Variants in TRPC6 observed in about 807,000 individuals in gnomAD.
TRPC6 encodes transient receptor potential cation channel subfamily C member 6.
TRPC6 carries 55 observed loss-of-function variants against 90.7 expected under a neutral mutation model. That is an observed-to-expected ratio of 0.61 (90% CI 0.49 to 0.76). TRPC6 has a LOEUF of 0.76. Ranked by LOEUF, TRPC6 falls within the 30% of genes least tolerant of loss-of-function variation. The pLI is 0.00. For synonymous variants in TRPC6, 393 were observed against 393.0 expected (o/e 1.00, Z 0.00); for missense variants, 989 against 1,122.7 (o/e 0.88, Z 1.70).
At position 101,504,020 on chromosome 11, in the gene TRPC6, C is replaced by A. The variant is rs1438558724; in HGVS notation, c.945+4G>T. The A allele has an allele frequency of 6.2e-7, 1 of 1,613,870 alleles. No individual in the cohort carries two copies. The highest frequency in any genetic ancestry group is 1.7e-5 in the Admixed American group (1 of 59,978). On this transcript the variant is annotated splice_donor_region_variant and intron_variant, in intron 2 of 12. Transcript: ENST00000344327. ...GGGTGAAGTCTCTATTGTTAGTGAC[C>A]TACCTTGAACTCTTTCTCAATATTG...
chr11:101,480,116 T>C (rs1459066580), intron 5 of TRPC6, among the ~76,000 whole-genome samples: 1 of 152,088 alleles, frequency 6.6e-6, no homozygotes, highest in Non-Finnish European at 1.5e-5. Flanking sequence ...AGGTGGAGGT[T>C]GCGGTGAGCT....
intron 10 of TRPC6, 78 bp from the exon 11 acceptor site, chr11:101,455,179 T>C (rs1186463645): frequency 3.5e-6 from 4 of 1,138,652 alleles, no homozygotes; most frequent in East Asian, 4.9e-5. Context: ...AGTTATCTAA[T>C]GAACTAATAG....
chr11:101,557,034 G>A (rs114073863), intron 1 of TRPC6, among the ~76,000 whole-genome samples: 1 of 152,082 alleles, frequency 6.6e-6, no homozygotes, highest in Admixed American at 6.6e-5. Context: ...ACTCTTACCA[G>A]ATTACGTATA....
At chr11:101,470,981 C>T (rs1859280029) in intron 9 of TRPC6, among the ~76,000 whole-genome samples, 2 of 152,030 alleles carry the variant, frequency 1.3e-5, no homozygotes, top group African/African-American at 2.4e-5. Flanking sequence ...ATGAATTTTT[C>T]TTACATTCTT....
At chr11:101,465,106 A>C (rs1415202070) in intron 10 of TRPC6, among the ~76,000 whole-genome samples, 3 of 152,136 alleles carry the variant, frequency 2.0e-5, no homozygotes, top group Non-Finnish European at 1.5e-5. Context: ...AAGGATGTTG[A>C]ATATTGGTCC....
chr11:101,452,803 T>C lies in TRPC6; in HGVS notation c.*152A>G. ...AATGGAGTTTAATCACCAAAAAAATTAGATACTAGGGCTCCAGATGATAGG... is the reference window on the plus strand; with the variant it reads ...AATGGAGTTTAATCACCAAAAAAATCAGATACTAGGGCTCCAGATGATAGG... On this transcript the variant is annotated 3_prime_UTR_variant, in exon 13 of 13. Coordinates refer to ENST00000344327, the MANE Select transcript of TRPC6 (RefSeq NM_004621.6). The C allele has an allele frequency of 1.2e-6, 1 of 825,762 alleles. No individual in the cohort carries two copies. The highest frequency in any genetic ancestry group is 1.9e-6 in the Non-Finnish European group (1 of 525,556). The allele number at this position is 825,762 out of a possible 1,614,324, so 51.2% of individuals were successfully genotyped here. A position where few individuals can be genotyped will look rare whatever the true frequency, so the allele number is the denominator to read the frequency against.
chr11:101,549,665 A>T (rs1274064582), intron 1 of TRPC6, among the ~76,000 whole-genome samples: 1 of 151,320 alleles, frequency 6.6e-6, no homozygotes, highest in Non-Finnish European at 1.5e-5. Context: ...GGGATAAAAA[A>T]GAAAACTTGT....
Position 101,473,555 on chromosome 11 carries a change from G to A in TRPC6, c.1963C>T (p.Leu655Phe). The change falls in exon 7 of 13, where the codon CTC (leucine) becomes TTC (phenylalanine). Residue 655 changes from leucine (L) to phenylalanine (F), a missense_variant. Leu to Phe is a conservative substitution (Grantham distance 22). This residue lies in a region of TRPC6 where 118 missense variants were observed against 197.6 expected (regional missense o/e 0.60). Transcript: ENST00000344327. ...FVAFMIGMFN[L>F]YSYYIGAKQN... ...TTTGCACCAATGTAGTAGGAGTAGA[G>A]ATTGAACATTCCAATCATAAAGGCC... 6.2e-7 allele frequency: 1 copy of A among 1,613,606 alleles called. No individual in the cohort carries two copies. Among genetic ancestry groups the A allele is most frequent in the Non-Finnish European group, 8.5e-7 (1 of 1,179,748 alleles).
intron 6 of TRPC6, among the ~76,000 whole-genome samples, chr11:101,475,975 G>A (rs1203751920): frequency 3.3e-5 from 5 of 151,180 alleles, no homozygotes; most frequent in East Asian, 1.9e-4. Context: ...TAGATCAAAC[G>A]TGAACTATTT....
At chr11:101,570,181 T>TA (rs1302499027) in intron 1 of TRPC6, among the ~76,000 whole-genome samples, 4 of 151,672 alleles carry the variant, frequency 2.6e-5, no homozygotes, top group Admixed American at 1.3e-4. Flanking sequence ...TAAAAAATGA[T>TA]AAAGGGGATA....
chr11:101,469,488 T>C lies in TRPC6; in HGVS notation c.2423A>G (p.Lys808Arg). 1.3e-6 allele frequency: 1 copy of C among 765,488 alleles called. No individual in the cohort carries two copies. Among genetic ancestry groups the C allele is most frequent in the Non-Finnish European group, 2.4e-6 (1 of 409,606 alleles). The allele number at this position is 765,488 out of a possible 1,614,324, so 47.4% of individuals were successfully genotyped here. Reference sequence around the variant, plus strand: ...ATGACTTCCTAAAATTCCAAGTTTCTTTTCTTCATTTATCTTTTAAAGATA... The same window carrying C: ...ATGACTTCCTAAAATTCCAAGTTTCCTTTCTTCATTTATCTTTTAAAGATA... Reference protein sequence around the residue: ...DAEMNKINEEKKLGILGSHED... With the variant: ...DAEMNKINEERKLGILGSHED... Residue 808 changes from lysine to arginine, a missense_variant, in exon 10 of 13, where the codon AAG (lysine) becomes AGG (arginine). Physicochemically the swap from Lys to Arg is conservative, Grantham distance 26. This residue lies in a region of TRPC6 where 191 missense variants were observed against 196.7 expected (regional missense o/e 0.97). Coordinates refer to ENST00000344327, the MANE Select transcript of TRPC6 (RefSeq NM_004621.6).
intron 1 of TRPC6, among the ~76,000 whole-genome samples, chr11:101,582,730 TC>T (rs1200538419): frequency 3.3e-5 from 5 of 151,242 alleles, no homozygotes; most frequent in African/African-American, 1.2e-4. Flanking sequence ...CGGTGGAGAG[TC>T]CTATTGGTTC....
intron 2 of TRPC6, 103 bp from the exon 3 acceptor site, chr11:101,491,841 T>G: frequency 9.1e-6 from 9 of 985,968 alleles, no homozygotes; most frequent in South Asian, 1.9e-5. Flanking sequence ...ACATTCTTTT[T>G]TTTTTTTTTT....
intron 1 of TRPC6, among the ~76,000 whole-genome samples, chr11:101,536,485 G>C (rs7108886): frequency 0.77 from 115,826 of 151,148 alleles, 45,978 homozygotes; most frequent in Non-Finnish European, 0.87. Context: ...TGATACACTC[G>C]CAGGTATATT....
intron 2 of TRPC6, among the ~76,000 whole-genome samples, chr11:101,503,282 C>G (rs894610524): frequency 6.6e-6 from 1 of 152,118 alleles, no homozygotes; most frequent in African/African-American, 2.4e-5. Context: ...ATTGACTGGT[C>G]AAAGTTCTAA....
chr11:101,469,898 G>T (rs1859248368), intron 9 of TRPC6, among the ~76,000 whole-genome samples: 1 of 152,152 alleles, frequency 6.6e-6, no homozygotes, highest in South Asian at 2.1e-4. Context: ...ACTTATTTGA[G>T]TTGATCTTCA....
chr11:101,536,551 T>C (rs1016725365), intron 1 of TRPC6, among the ~76,000 whole-genome samples: 1 of 151,946 alleles, frequency 6.6e-6, no homozygotes, highest in Non-Finnish European at 1.5e-5. Context: ...ATTTTTAAGA[T>C]GAAAACCAAA....
intron 2 of TRPC6, among the ~76,000 whole-genome samples, chr11:101,493,004 G>A (rs147603805): frequency 1.4e-3 from 212 of 152,306 alleles, no homozygotes; most frequent in Non-Finnish European, 2.4e-3. Flanking sequence ...CTTAAATCAT[G>A]CAGGTCACAT....
intron 2 of TRPC6, among the ~76,000 whole-genome samples, chr11:101,496,329 C>G (rs1278178330): frequency 6.6e-6 from 1 of 152,150 alleles, no homozygotes; most frequent in Non-Finnish European, 1.5e-5. Context: ...AACCATGCTT[C>G]TTGGGACCAA....
Sources: gnomAD v4.1 joint callset for allele counts (sites outside exome capture counted in the v4.1 genomes callset) on GRCh38, gnomAD v4.1.1 for gene constraint, gnomAD v4.1.1 regional missense constraint, MANE v1.5 for transcripts, NCBI Gene and HGNC (gene_info 2026-07-23, HGNC 2026-07-21) for gene names.